The following PNN variants were observed in gnomAD, a reference collection of about 807,000 sequenced individuals.
The protein encoded by PNN is pinin, desmosome associated protein.
A neutral mutation model predicts 76.6 loss-of-function variants in PNN; 38 were observed. The observed-to-expected ratio is 0.50, with a 90% CI of 0.38 to 0.65. The LOEUF is 0.65. Ranked by LOEUF, PNN falls within the 30% of genes least tolerant of loss-of-function variation. PNN has a pLI of 0.00. For synonymous variants in PNN, 366 were observed against 283.7 expected, an observed-to-expected ratio of 1.29 and a Z score of -2.91; for missense variants, 873 against 874.1, an observed-to-expected ratio of 1.00 and a Z score of 0.02.
Position 39,177,848 on chromosome 14 carries a change from C to T in PNN, c.430C>T (p.Arg144Ter), listed in dbSNP as rs771229020. 3 of 1,609,406 alleles carry T rather than the reference C, an allele frequency of 1.9e-6. No individual in the cohort carries two copies. Among genetic ancestry groups the T allele is most frequent in the East Asian group, 2.2e-5 (1 of 44,842 alleles). ...MDEKGKQRNR[R>*]IFGLLMGTLQ... is the part of the protein sequence containing the mutation. ...TCTTATTCTGTTCTTTAGGAACCGG[C>T]GAATATTTGGCTTGTTGATGGGTAC... The change falls in exon 6 of 9, where the codon CGA becomes TGA. Residue 144 changes from arginine to a stop codon, truncating the protein, a stop_gained. Coordinates refer to ENST00000216832, the MANE Select transcript of PNN (RefSeq NM_002687.4). LOFTEE classifies it high-confidence loss of function.
rs372344268 is a variant in PNN, at chr14:39,180,738, G to A, written c.1029G>A (p.Ala343=). 1.9e-5 allele frequency: 30 copies of A among 1,596,562 alleles called. No homozygotes were observed. The African/African-American group carries it at 2.3e-4, about 12-fold the overall frequency. ...GAGAGGAAGAGGAAAAGGAAATAGC[G>A]ATTGTTCATAGTGATGCAGAGAAAG... ...EAGEEEEKEI[A]IVHSDAEKEQ... Residue 343 remains alanine, a synonymous_variant, in exon 9 of 9, where the codon GCG becomes GCA. Transcript: ENST00000216832.
intron 6 of PNN, 131 bp downstream of exon 6, chr14:39,178,047 T>A (rs2053242628): frequency 1.5e-6 from 1 of 677,820 alleles, no homozygotes. Context: ...AAGTAAAAAC[T>A]TGGTTTAACT....
At position 39,176,232 on chromosome 14, in the gene PNN, A is replaced by G. The variant is rs1594553691; in HGVS notation, c.185+83A>G. 6 of 812,550 alleles carry G rather than the reference A, an allele frequency of 7.4e-6. No homozygotes were observed. In the East Asian group the frequency reaches 1.5e-4, roughly 20 times the overall value. The allele number at this position is 812,550 out of a possible 1,614,324, so 50.3% of individuals were successfully genotyped here. ...TTGGTTTGAACAAAACCTGTGATAA[A>G]ATCAATAACCCAGTGTTTGTCGTCT... is the stretch of plus-strand genomic sequence containing the variant. On this transcript the variant is annotated intron_variant, in intron 2 of 8. Coordinates refer to ENST00000216832, the MANE Select transcript of PNN (RefSeq NM_002687.4).
chr14:39,175,538 C>T lies in PNN; in HGVS notation c.113+146C>T, dbSNP rs1031693707. ...GGGGCGGCGGGTAAAACCCTGTTGTCGCCGAGGTGGAGAGGCCCCAGGTCC... is the reference window on the plus strand; with the variant it reads ...GGGGCGGCGGGTAAAACCCTGTTGTTGCCGAGGTGGAGAGGCCCCAGGTCC... On this transcript the variant is annotated intron_variant, in intron 1 of 8. Transcript: ENST00000216832. 10 of 663,136 alleles carry T rather than the reference C, an allele frequency of 1.5e-5. No individual in the cohort carries two copies. The African/African-American group carries it at 1.8e-4, about 12-fold the overall frequency. 41.1% of individuals were successfully genotyped at this position (663,136 alleles called of 1,614,324 possible).
intron 3 of PNN, among the ~76,000 whole-genome samples, chr14:39,177,069 A>T (rs879713108): frequency 6.6e-6 from 1 of 152,232 alleles, no homozygotes; most frequent in South Asian, 2.1e-4. Context: ...GTGCAGTTAC[A>T]TAAATACCTC....
chr14:39,176,147 G>C lies in PNN; in HGVS notation c.183G>C (p.Leu61=). ...GTAGAGGACGTGGTAGTTTATTACT[G>C]AGGTAAGATTTCCTTTGGACTTTAC... ...GGGRGRGSLL[L]RRGFSDSGGG... Residue 61 remains leucine, a splice_region_variant and synonymous_variant, in exon 2 of 9, where the codon CTG becomes CTC. Transcript: ENST00000216832. The C allele has an allele frequency of 6.3e-7, 1 of 1,578,858 alleles. No homozygotes were observed. The highest frequency in any genetic ancestry group is 1.1e-5 in the South Asian group (1 of 90,306).
intron 2 of PNN, 107 bp from the exon 3 acceptor site, chr14:39,176,420 A>G (rs2053224541): frequency 2.4e-6 from 2 of 835,954 alleles, no homozygotes; most frequent in East Asian, 2.7e-5. Flanking sequence ...GTTTAAGGCT[A>G]CTTTAGTTGG....
chr14:39,178,162 G>A (rs971977753), intron 6 of PNN, among the ~76,000 whole-genome samples: 1 of 151,750 alleles, frequency 6.6e-6, no homozygotes, highest in Non-Finnish European at 1.5e-5. Flanking sequence ...AAAGCCTCAA[G>A]TCTCCATTTC....
intron 8 of PNN, among the ~76,000 whole-genome samples, chr14:39,180,228 T>G (rs982434523): frequency 1.3e-5 from 2 of 152,228 alleles, no homozygotes; most frequent in Non-Finnish European, 2.9e-5. Flanking sequence ...AGAAGTTTTA[T>G]TTTTCATCAG....
rs149851357 is a variant in PNN at position 39,175,983 on chromosome 14, A to AT, written c.114-89dup. 3,501 of 696,568 alleles carry AT rather than the reference A, an allele frequency of 5.0e-3. 76 individuals carry two copies. The African/African-American group carries it at 0.052, about 10-fold the overall frequency. 43.1% of individuals were successfully genotyped at this position (696,568 alleles called of 1,614,324 possible). On this transcript the variant is annotated intron_variant, in intron 1 of 8. Coordinates refer to ENST00000216832, the MANE Select transcript of PNN (RefSeq NM_002687.4). ...AAACTATCTTTTTGGAACTTTTGTG[A>AT]TTTTTTCTCCTTATGATCCACATCT...
Position 39,179,209 on chromosome 14 carries a change from T to C in PNN, c.617T>C (p.Leu206Pro). 6.2e-7 allele frequency: 1 copy of C among 1,612,828 alleles called. No individual in the cohort carries two copies. The highest frequency in any genetic ancestry group is 8.5e-7 in the Non-Finnish European group (1 of 1,179,760). ...FEERRAKQTE[L>P]RLLEQKVELA... is the part of the protein sequence containing the mutation. The stretch of plus-strand genomic sequence containing the variant: ...GAGAGGCGTGCTAAACAGACAGAAC[T>C]GCGGCTTTTGGAACAGAAAGTTGAG... Residue 206 changes from leucine to proline, a missense_variant, in exon 7 of 9, where the codon CTG becomes CCG. Physicochemically the swap from Leu to Pro is moderately conservative, Grantham distance 98 (BLOSUM62 -3). Transcript: ENST00000216832.
intron 8 of PNN, 138 bp downstream of exon 8, chr14:39,179,600 T>C: frequency 2.5e-6 from 2 of 784,804 alleles, no homozygotes; most frequent in South Asian, 4.2e-5. Context: ...AATAAGATAA[T>C]AAGATATTCT....
rs1425959444 is a variant in PNN, at chr14:39,180,967, G to A, written c.1258G>A (p.Glu420Lys). Reference sequence around the variant, plus strand: ...TGAAAGTGTAGAACCTTCAGAAAATGAAGCTAGCAAAGAATTGGAACCAGA... The same window carrying A: ...TGAAAGTGTAGAACCTTCAGAAAATAAAGCTAGCAAAGAATTGGAACCAGA... ...RVESVEPSEN[E>K]ASKELEPEME... The change falls in exon 9 of 9, where the codon GAA becomes AAA. Residue 420 changes from glutamate to lysine, a missense_variant. Physicochemically the swap from Glu to Lys is moderately conservative, Grantham distance 56 (BLOSUM62 1). This residue lies in a region of PNN where 712 missense variants were observed against 693.1 expected (regional missense o/e 1.03). Transcript: ENST00000216832. 2 of 1,613,764 alleles carry A rather than the reference G, an allele frequency of 1.2e-6. No homozygotes were observed. Among genetic ancestry groups the A allele is most frequent in the African/African-American group, 2.7e-5 (2 of 74,902 alleles).
intron 6 of PNN, among the ~76,000 whole-genome samples, chr14:39,178,530 T>G (rs1203871937): frequency 6.6e-6 from 1 of 150,970 alleles, no homozygotes; most frequent in Non-Finnish European, 1.5e-5. Flanking sequence ...AAACTCCATC[T>G]CAAAAAAAGA....
At position 39,176,230 on chromosome 14, in the gene PNN, A is replaced by G. The variant is rs2053222703; in HGVS notation, c.185+81A>G. ...TGTTGGTTTGAACAAAACCTGTGAT[A>G]AAATCAATAACCCAGTGTTTGTCGT... is the stretch of plus-strand genomic sequence containing the variant. On this transcript the variant is annotated intron_variant, in intron 2 of 8. Transcript: ENST00000216832. 1.3e-5 allele frequency: 11 copies of G among 818,824 alleles called. No individual in the cohort carries two copies. In the Admixed American group the frequency reaches 1.6e-4, roughly 12 times the overall value. 50.7% of individuals were successfully genotyped at this position (818,824 alleles called of 1,614,324 possible). A position where few individuals can be genotyped will look rare whatever the true frequency, so the allele number is the denominator to read the frequency against.
chr14:39,175,529 C>T (rs964191587), intron 1 of PNN, 137 bp downstream of exon 1: 12 of 671,902 alleles, frequency 1.8e-5, no homozygotes, highest in Admixed American at 2.6e-5. Flanking sequence ...GCGGGTAAAA[C>T]CCTGTTGTCG....
chr14:39,175,923 C>T (rs1461360331), intron 1 of PNN, 155 bp from the exon 2 acceptor site: 5 of 598,962 alleles, frequency 8.3e-6, no homozygotes, highest in African/African-American at 1.9e-5. Flanking sequence ...TGAAATAGTA[C>T]TTCCTGTCCT....
In PNN at chr14:39,176,668, CAAT is replaced by C. The variant is rs1393459144; in HGVS notation, c.254+77_254+79del. Reference sequence around the variant, plus strand: ...CCACACAAATATAAATGTTTATTAACAATAATTCTGTTTCAGCAATATTAAAAT... The same window carrying C: ...CCACACAAATATAAATGTTTATTAACAATTCTGTTTCAGCAATATTAAAAT... On this transcript the variant is annotated intron_variant, in intron 3 of 8. Coordinates refer to ENST00000216832, the MANE Select transcript of PNN (RefSeq NM_002687.4). 5 of 878,494 alleles carry C rather than the reference CAAT, an allele frequency of 5.7e-6. No homozygotes were observed. The African/African-American group carries it at 8.6e-5, about 15-fold the overall frequency. The allele number at this position is 878,494 out of a possible 1,614,324, so 54.4% of individuals were successfully genotyped here. A position where few individuals can be genotyped will look rare whatever the true frequency, so the allele number is the denominator to read the frequency against.
rs1265121121 is a variant in PNN, at chr14:39,176,561, G to A, written c.220G>A (p.Ala74Thr). ...CTCAGATAGTGGAGGAGGACCCCCA[G>A]CCAAACAGAGAGACCTTGAAGGGGC... ...GFSDSGGGPPAKQRDLEGAVS... is the reference protein window; with the variant it reads ...GFSDSGGGPPTKQRDLEGAVS... The change falls in exon 3 of 9, where the codon GCC (alanine) becomes ACC (threonine). Residue 74 changes from alanine (A) to threonine (T), a missense_variant. By Grantham distance (58) the Ala-to-Thr change is moderately conservative. Around this residue, in one of 3 missense-constraint regions of PNN, gnomAD observed 156 missense variants for 161.7 expected, o/e 0.96. Transcript: ENST00000216832. 1 of 1,608,926 alleles carries A rather than the reference G, an allele frequency of 6.2e-7. No individual in the cohort carries two copies. Among genetic ancestry groups the A allele is most frequent in the Admixed American group, 1.7e-5 (1 of 58,474 alleles).
Sources: allele counts gnomAD v4.1 joint callset (sites outside exome capture counted in the v4.1 genomes callset), GRCh38; gene constraint gnomAD v4.1.1; regional missense constraint gnomAD v4.1.1; transcripts MANE v1.5; gene names NCBI Gene and HGNC (gene_info 2026-07-23, HGNC 2026-07-21).